BRINP3: variants seen among roughly 807,000 people sequenced by gnomAD.
The protein encoded by BRINP3 is BMP/retinoic acid-inducible neural-specific protein 3.
In BRINP3, 19 loss-of-function variants were observed where a neutral mutation model predicts 71.0. That is an observed-to-expected ratio of 0.27 (90% CI 0.19 to 0.39). The LOEUF is 0.39. Among genes scored for constraint, BRINP3 ranks in the 10% least tolerant of loss-of-function variants. The pLI, the probability that BRINP3 is intolerant of heterozygous loss-of-function variation, is 1.00. For synonymous variants in BRINP3, 380 were observed against 337.7 expected, an observed-to-expected ratio of 1.13 and a Z score of -1.37; for missense variants, 959 against 940.8, an observed-to-expected ratio of 1.02 and a Z score of -0.25.
At chr1:190,234,332 T>C in intron 5 of BRINP3, 40 bp downstream of exon 5, 1 of 1,466,252 alleles carries the variant, frequency 6.8e-7, no homozygotes, top group Non-Finnish European at 9.5e-7. Flanking sequence ...ATAATTGCTA[T>C]TCAGGCTTGT....
chr1:190,383,165 G>T (rs1046131204), intron 2 of BRINP3, among the ~76,000 whole-genome samples: 1 of 151,992 alleles, frequency 6.6e-6, no homozygotes, highest in Non-Finnish European at 1.5e-5. Flanking sequence ...GTATGAGATC[G>T]TTAACAAAGT....
intron 2 of BRINP3, among the ~76,000 whole-genome samples, chr1:190,384,479 T>A (rs1430628804): frequency 6.6e-6 from 1 of 151,800 alleles, no homozygotes; most frequent in Non-Finnish European, 1.5e-5. Context: ...ATATCACATA[T>A]ATATCAAAAT....
At chr1:190,187,194 A>T (rs1414299709) in intron 6 of BRINP3, among the ~76,000 whole-genome samples, 2 of 152,052 alleles carry the variant, frequency 1.3e-5, no homozygotes, top group African/African-American at 4.8e-5. Context: ...ATGTTCATTT[A>T]GGTCCCTTTT....
At chr1:190,109,246 AT>A (rs908668376) in intron 7 of BRINP3, among the ~76,000 whole-genome samples, 8 of 152,164 alleles carry the variant, frequency 5.3e-5, no homozygotes, top group African/African-American at 1.7e-4. Context: ...GAAAAGTTAC[AT>A]TTTTTCATAT....
chr1:190,302,412 A>C (rs1413804075), intron 2 of BRINP3, among the ~76,000 whole-genome samples: 1 of 151,414 alleles, frequency 6.6e-6, no homozygotes, highest in Admixed American at 6.6e-5. Context: ...TACAACTAAA[A>C]TAATTTTTAG....
intron 2 of BRINP3, among the ~76,000 whole-genome samples, chr1:190,430,632 C>T (rs925607773): frequency 1.3e-5 from 2 of 152,254 alleles, no homozygotes; most frequent in Non-Finnish European, 2.9e-5. Flanking sequence ...TGGTATTACA[C>T]GTGAGTTTCT....
At chr1:190,250,987 T>C (rs768365274) in intron 4 of BRINP3, among the ~76,000 whole-genome samples, 6 of 151,806 alleles carry the variant, frequency 4.0e-5, no homozygotes, top group Non-Finnish European at 8.8e-5. Flanking sequence ...GTGGTGAAGA[T>C]GGGAGGATCT....
chr1:190,350,822 G>GTT (rs35410824), intron 2 of BRINP3, among the ~76,000 whole-genome samples: 9 of 133,056 alleles, frequency 6.8e-5, no homozygotes, highest in Middle Eastern at 3.8e-3. Flanking sequence ...AGTTCACCTT[G>GTT]TTTTTTTTTT....
intron 2 of BRINP3, among the ~76,000 whole-genome samples, chr1:190,289,682 A>T (rs542383951): frequency 7.9e-5 from 12 of 152,146 alleles, no homozygotes; most frequent in African/African-American, 2.6e-4. Flanking sequence ...TCTAGCAAGC[A>T]CTTGGTCTTA....
intron 7 of BRINP3, among the ~76,000 whole-genome samples, chr1:190,108,318 C>G (rs1652363946): frequency 6.6e-6 from 1 of 151,670 alleles, no homozygotes; most frequent in African/African-American, 2.4e-5. Context: ...CAAATGTTAC[C>G]TTTTATGAGC....
At chr1:190,144,951 T>G (rs149937953) in intron 7 of BRINP3, among the ~76,000 whole-genome samples, 10 of 152,294 alleles carry the variant, frequency 6.6e-5, no homozygotes, top group African/African-American at 2.2e-4. Context: ...CTTCTTCATA[T>G]CTTTGCAGAC....
rs185665178 is a variant in BRINP3 at position 190,213,973 on chromosome 1, T to C, written c.961+12109A>G. ...TGGGCAGAAAGCAACCTGAGAAAAC[T>C]ATCCCCCAGGCATATTCTCCAATTC... On this transcript the variant is annotated intron_variant, in intron 6 of 7. Coordinates refer to ENST00000367462, the MANE Select transcript of BRINP3 (RefSeq NM_199051.3). Among the ~76,000 whole-genome samples the C allele has an allele frequency of 3.9e-5, 6 of 152,114 alleles. No homozygotes were observed. In the East Asian group the frequency reaches 1.2e-3, roughly 29 times the overall value.
chr1:190,438,398 G>A (rs758940989), intron 2 of BRINP3, among the ~76,000 whole-genome samples: 3 of 151,164 alleles, frequency 2.0e-5, no homozygotes, highest in Admixed American at 6.6e-5. Context: ...CACTTCTCTC[G>A]ATATATGTAA....
intron 6 of BRINP3, among the ~76,000 whole-genome samples, chr1:190,200,122 T>C (rs145707210): frequency 1.0e-3 from 152 of 152,260 alleles, no homozygotes; most frequent in African/African-American, 3.5e-3. Context: ...TTTGTAACAG[T>C]ACCACTCAGA....
intron 6 of BRINP3, among the ~76,000 whole-genome samples, chr1:190,193,701 C>A (rs1005618722): frequency 1.9e-4 from 29 of 152,060 alleles, no homozygotes; most frequent in African/African-American, 6.8e-4. Flanking sequence ...TTAATTAGAG[C>A]CTTTACTTTA....
intron 2 of BRINP3, among the ~76,000 whole-genome samples, chr1:190,413,296 T>G (rs1672809784): frequency 6.6e-6 from 1 of 152,160 alleles, no homozygotes; most frequent in Non-Finnish European, 1.5e-5. Flanking sequence ...TAATTAGGCA[T>G]TCTATATGCA....
At chr1:190,182,451 T>C (rs1420407198) in intron 6 of BRINP3, among the ~76,000 whole-genome samples, 1 of 152,166 alleles carries the variant, frequency 6.6e-6, no homozygotes, top group Non-Finnish European at 1.5e-5. Flanking sequence ...TCTTTCCTTG[T>C]CTTATTAATT....
intron 5 of BRINP3, among the ~76,000 whole-genome samples, chr1:190,228,844 A>T (rs1314464702): frequency 6.6e-6 from 1 of 151,902 alleles, no homozygotes. Context: ...TGACAGCACT[A>T]TATTTAGACC....
At chr1:190,439,565 G>A (rs1186257913) in intron 2 of BRINP3, among the ~76,000 whole-genome samples, 3 of 151,734 alleles carry the variant, frequency 2.0e-5, no homozygotes, top group African/African-American at 7.2e-5. Context: ...GTGTTTGAAT[G>A]AATTAATGGT....
Sources: gnomAD v4.1 joint callset for allele counts (sites outside exome capture counted in the v4.1 genomes callset) on GRCh38, gnomAD v4.1.1 for gene constraint, MANE v1.5 for transcripts, NCBI Gene and HGNC (gene_info 2026-07-23, HGNC 2026-07-21) for gene names.